The following GRIN2B variants were observed in gnomAD, a reference collection of about 807,000 sequenced individuals.
The protein encoded by GRIN2B is glutamate ionotropic receptor NMDA type subunit 2B.
GRIN2B carries 5 observed loss-of-function variants against 114.5 expected under a neutral mutation model. The ratio of observed to expected loss-of-function variants is 0.04; its 90% CI spans 0.02 to 0.09. The LOEUF (loss-of-function observed/expected upper bound fraction) is 0.09. Ranked by LOEUF, GRIN2B falls within the 10% of genes least tolerant of loss-of-function variation. The pLI is 1.00. For synonymous variants in GRIN2B, 787 were observed against 745.1 expected (o/e 1.06, Z -0.92); for missense variants, 1,108 against 1,943.5 (o/e 0.57, Z 8.08).
chr12:13,582,061 A>T (rs189081227), intron 10 of GRIN2B, among the ~76,000 whole-genome samples: 1 of 152,238 alleles, frequency 6.6e-6, no homozygotes, highest in African/African-American at 2.4e-5. Context: ...GAATTTTAAC[A>T]ATGTTCCAAA....
intron 2 of GRIN2B, among the ~76,000 whole-genome samples, chr12:13,918,996 A>T (rs530474371): frequency 0.013 from 2,008 of 152,302 alleles, 22 homozygotes; most frequent in Middle Eastern, 0.027. Context: ...TCTCAAAAAG[A>T]AAAAAATAGA....
At position 13,855,553 on chromosome 12, in the gene GRIN2B, T is replaced by G. The variant is rs529614487; in HGVS notation, c.411+10245A>C. The stretch of plus-strand genomic sequence containing the variant: ...TCACACTCTAAGGCTCTAGGGGAGA[T>G]TCCTTCCTTGCCTCTTCCAGTTTCT... On this transcript the variant is annotated intron_variant, in intron 3 of 13. Transcript: ENST00000609686. Among the ~76,000 whole-genome samples, 7 of 152,212 alleles carry G rather than the reference T, an allele frequency of 4.6e-5. No homozygotes were observed. In the South Asian group the frequency reaches 1.5e-3, roughly 32 times the overall value.
chr12:13,664,069 A>G (rs1949951286), intron 5 of GRIN2B, among the ~76,000 whole-genome samples: 1 of 152,238 alleles, frequency 6.6e-6, no homozygotes, highest in Non-Finnish European at 1.5e-5. Context: ...TTATTTAGAT[A>G]AATCACTGCA....
At position 13,546,200 on chromosome 12, in the gene GRIN2B, A is replaced by T. The variant is rs955750705; in HGVS notation, c.*16583T>A. The T allele has an allele frequency of 3.3e-5, 5 of 152,208 alleles. No individual in the cohort carries two copies. The highest frequency in any genetic ancestry group is 7.3e-5 in the Non-Finnish European group (5 of 68,030). The allele number at this position is 152,208 out of a possible 1,614,324, so 9.4% of individuals were successfully genotyped here. On this transcript the variant is annotated 3_prime_UTR_variant, in exon 14 of 14. Coordinates refer to ENST00000609686, the MANE Select transcript of GRIN2B (RefSeq NM_000834.5). The stretch of plus-strand genomic sequence containing the variant: ...CCCCTTGGCTTCCCAATTTAAGTCA[A>T]TGTAATCACAATGCACACAAGGCTC...
At chr12:13,726,164 T>G (rs1862980301) in intron 4 of GRIN2B, among the ~76,000 whole-genome samples, 1 of 152,112 alleles carries the variant, frequency 6.6e-6, no homozygotes, top group Non-Finnish European at 1.5e-5. Flanking sequence ...TGTATATTCT[T>G]TCTCCACTTC....
chr12:13,744,122 C>T (rs898768767), intron 4 of GRIN2B, among the ~76,000 whole-genome samples: 19 of 152,180 alleles, frequency 1.2e-4, no homozygotes, highest in African/African-American at 4.3e-4. Context: ...TATTTAGCGA[C>T]CATCCTTACA....
In GRIN2B at chr12:13,543,544, C is replaced by A. The variant is rs999623259; in HGVS notation, c.*19239G>T. ...ACCCTGTTCCAATCTAACTTGCCAC[C>A]CTGTTTAAGCAGCTGAAGGTGACTG... On this transcript the variant is annotated 3_prime_UTR_variant, in exon 14 of 14. Transcript: ENST00000609686. 6.6e-6 allele frequency: 1 copy of A among 152,204 alleles called. No homozygotes were observed. Among genetic ancestry groups the A allele is most frequent in the Non-Finnish European group, 1.5e-5 (1 of 68,054 alleles). The allele number at this position is 152,204 out of a possible 1,614,324, so 9.4% of individuals were successfully genotyped here. A position where few individuals can be genotyped will look rare whatever the true frequency, so the allele number is the denominator to read the frequency against.
intron 2 of GRIN2B, among the ~76,000 whole-genome samples, chr12:13,889,958 A>G (rs1198040748): frequency 6.6e-6 from 1 of 152,176 alleles, no homozygotes; most frequent in Admixed American, 6.5e-5. Flanking sequence ...GACTTCTAAG[A>G]AAAGCCTGAT....
intron 3 of GRIN2B, among the ~76,000 whole-genome samples, chr12:13,842,295 C>G (rs1384612501): frequency 2.6e-5 from 4 of 152,216 alleles, no homozygotes; most frequent in Non-Finnish European, 2.9e-5. Context: ...TGGGTAACCA[C>G]CTACCAGGTG....
intron 4 of GRIN2B, among the ~76,000 whole-genome samples, chr12:13,717,068 T>C (rs112490866): frequency 1.3e-3 from 44 of 32,880 alleles, no homozygotes; most frequent in African/African-American, 0.011. Flanking sequence ...GCCATACGCG[T>C]GTGTGTGTGT....
At chr12:13,860,443 A>G (rs1865733327) in intron 3 of GRIN2B, among the ~76,000 whole-genome samples, 1 of 152,104 alleles carries the variant, frequency 6.6e-6, no homozygotes, top group African/African-American at 2.4e-5. Context: ...ATTCTCCTAC[A>G]TCAACCTCCC....
intron 3 of GRIN2B, among the ~76,000 whole-genome samples, chr12:13,848,009 A>G (rs766029718): frequency 3.3e-5 from 5 of 152,132 alleles, no homozygotes; most frequent in Non-Finnish European, 1.5e-5. Context: ...AGGTATGGAC[A>G]GTCCCCTGCT....
At chr12:13,730,974 C>T (rs1863078989) in intron 4 of GRIN2B, among the ~76,000 whole-genome samples, 2 of 152,144 alleles carry the variant, frequency 1.3e-5, no homozygotes, top group Non-Finnish European at 2.9e-5. Context: ...TCCTCCTTCC[C>T]TGTCTCCACC....
At chr12:13,771,957 G>A (rs945950177) in intron 3 of GRIN2B, among the ~76,000 whole-genome samples, 3 of 152,210 alleles carry the variant, frequency 2.0e-5, no homozygotes, top group African/African-American at 7.2e-5. Flanking sequence ...ACCTCCTCAG[G>A]GCCTGGTGTG....
chr12:13,749,099 A>G (rs1863436695), intron 4 of GRIN2B, among the ~76,000 whole-genome samples: 1 of 152,252 alleles, frequency 6.6e-6, no homozygotes, highest in African/African-American at 2.4e-5. Context: ...TTAACACCTG[A>G]TAAGTAATGT....
intron 3 of GRIN2B, among the ~76,000 whole-genome samples, chr12:13,781,399 T>C (rs1173739129): frequency 6.6e-6 from 1 of 152,220 alleles, no homozygotes; most frequent in East Asian, 1.9e-4. Context: ...ACAGCTAATA[T>C]GATCTTAAAC....
chr12:13,600,819 G>A (rs181983410), intron 10 of GRIN2B, among the ~76,000 whole-genome samples: 1 of 152,270 alleles, frequency 6.6e-6, no homozygotes, highest in Non-Finnish European at 1.5e-5. Context: ...AGTGTAGTAC[G>A]TATTGTGAGA....
At position 13,547,981 on chromosome 12, in the gene GRIN2B, A is replaced by ATATATATTTTTTTTTTTT; in HGVS notation, c.*14801_*14802insAAAAAAAAAAAATATATA. 1.5e-5 allele frequency: 1 copy of ATATATATTTTTTTTTTTT among 68,576 alleles called. No homozygotes were observed. Among genetic ancestry groups the ATATATATTTTTTTTTTTT allele is most frequent in the Non-Finnish European group, 2.9e-5 (1 of 34,408 alleles). 4.2% of individuals were successfully genotyped at this position (68,576 alleles called of 1,614,324 possible). The stretch of plus-strand genomic sequence containing the variant: ...TGTGTATATATATATATATATATAT[A>ATATATATTTTTTTTTTTT]TTTTTTTTTTTTTTCTGAAAGCTAC... On this transcript the variant is annotated 3_prime_UTR_variant, in exon 14 of 14. Coordinates refer to ENST00000609686, the MANE Select transcript of GRIN2B (RefSeq NM_000834.5).
rs186156906 is a variant in GRIN2B at position 13,566,971 on chromosome 12, T to C, written c.2598+54A>G. 1.3e-5 allele frequency: 16 copies of C among 1,228,868 alleles called. No homozygotes were observed. The Admixed American group carries it at 2.7e-4, about 21-fold the overall frequency. The allele number at this position is 1,228,868 out of a possible 1,614,324, so 76.1% of individuals were successfully genotyped here. ...TCTTGGTTCTCTCTGCTTTGCACAG[T>C]GCTAGGCTAAGCTGTCCCTAACAAG... On this transcript the variant is annotated intron_variant, in intron 13 of 13. Coordinates refer to ENST00000609686, the MANE Select transcript of GRIN2B (RefSeq NM_000834.5).
Sources: allele counts gnomAD v4.1 joint callset (sites outside exome capture counted in the v4.1 genomes callset), GRCh38; gene constraint gnomAD v4.1.1; transcripts MANE v1.5; gene names NCBI Gene and HGNC (gene_info 2026-07-23, HGNC 2026-07-21).